Variants in POMGNT1 observed in about 807,000 individuals in gnomAD.
POMGNT1 encodes the protein protein O-linked-mannose beta-1,2-N-acetylglucosaminyltransferase 1.
In POMGNT1, 67 loss-of-function variants were observed where a neutral mutation model predicts 95.6. The ratio of observed to expected loss-of-function variants is 0.70; its 90% CI spans 0.58 to 0.86. The LOEUF (loss-of-function observed/expected upper bound fraction) is 0.86. Ranked by LOEUF, POMGNT1 falls within the 40% of genes least tolerant of loss-of-function variation. The probability of loss-of-function intolerance (pLI) is 0.00; values close to 1 mark genes in which losing one functional copy is unlikely to be tolerated. For synonymous variants in POMGNT1, 298 were observed against 317.9 expected, an observed-to-expected ratio of 0.94 and a Z score of 0.66; for missense variants, 719 against 855.2, an observed-to-expected ratio of 0.84 and a Z score of 1.99.
chr1:46,189,562 G>T lies in POMGNT1; in HGVS notation c.1791C>A (p.Leu597=), dbSNP rs1162362350. ...FTTWTQLAKC[L]HIWDLDVRGN... The stretch of plus-strand genomic sequence containing the variant: ...CACGCACATCCAGGTCCCAGATATG[G>T]AGGCACTAGTGAGGGTGGGATGGAG... Residue 597 remains leucine (L), a synonymous_variant, in exon 21 of 22, where the codon CTC becomes CTA. Transcript: ENST00000371984. The T allele has an allele frequency of 6.2e-7, 1 of 1,611,018 alleles. No individual in the cohort carries two copies. Among genetic ancestry groups the T allele is most frequent in the Non-Finnish European group, 8.5e-7 (1 of 1,178,584 alleles).
In POMGNT1 at chr1:46,194,996, C is replaced by T. The variant is rs767816536; in HGVS notation, c.535-35G>A. 15 of 1,604,638 alleles carry T rather than the reference C, an allele frequency of 9.3e-6. No individual in the cohort carries two copies. In the African/African-American group the frequency reaches 1.9e-4, roughly 20 times the overall value. On this transcript the variant is annotated intron_variant, in intron 6 of 21. Coordinates refer to ENST00000371984, the MANE Select transcript of POMGNT1 (RefSeq NM_017739.4). ...CAGAGAAGGCAGTTAGCCTGACTGG[C>T]ATGGTTCCAGGAGACCTGGCCTCAC... is the stretch of plus-strand genomic sequence containing the variant.
chr1:46,220,035 G>A (rs1410170213), exon 1 of POMGNT1: 1 of 1,614,146 alleles, frequency 6.2e-7, no homozygotes, highest in South Asian at 1.1e-5. Context: ...AGCTGGTGGA[G>A]AGAGGGCCAG....
intron 1 of POMGNT1, among the ~76,000 whole-genome samples, chr1:46,214,077 G>A (rs886629198): frequency 1.3e-5 from 2 of 152,138 alleles, no homozygotes; most frequent in Non-Finnish European, 2.9e-5. Flanking sequence ...CGGGCATGGT[G>A]GCTCAGGCCT....
intron 17 of POMGNT1, 123 bp from the exon 18 acceptor site, chr1:46,190,907 T>C: frequency 1.1e-6 from 1 of 895,248 alleles, no homozygotes; most frequent in Non-Finnish European, 1.8e-6. Flanking sequence ...AGCCCTCTAA[T>C]TTCCCACCGT....
At chr1:46,215,348 G>A (rs891472405) in intron 1 of POMGNT1, among the ~76,000 whole-genome samples, 27 of 152,058 alleles carry the variant, frequency 1.8e-4, no homozygotes, top group African/African-American at 6.5e-4. Flanking sequence ...GAAAAATACT[G>A]GAGGATAATC....
intron 2 of POMGNT1, chr1:46,197,497 C>T: frequency 6.7e-7 from 1 of 1,491,392 alleles, no homozygotes. Flanking sequence ...CCGTCAGAAG[C>T]TTAGAAGTTG....
upstream of POMGNT1, chr1:46,198,567 G>C (rs918333301): frequency 3.0e-5 from 5 of 167,388 alleles, no homozygotes; most frequent in African/African-American, 1.2e-4. Context: ...CGGGGTGTAA[G>C]CAGCCAGCGA....
intron 1 of POMGNT1, among the ~76,000 whole-genome samples, chr1:46,213,508 G>A (rs1212951235): frequency 6.6e-6 from 1 of 151,802 alleles, no homozygotes; most frequent in Non-Finnish European, 1.5e-5. Context: ...TAGAACAGAA[G>A]GTCTCTAGAT....
intron 1 of POMGNT1, among the ~76,000 whole-genome samples, chr1:46,213,094 CAT>C (rs1458517721): frequency 2.0e-5 from 3 of 152,100 alleles, no homozygotes; most frequent in East Asian, 1.9e-4. Flanking sequence ...AAACATTTAT[CAT>C]GTGTGTATAT....
intron 1 of POMGNT1, among the ~76,000 whole-genome samples, chr1:46,212,981 G>A (rs1658950731): frequency 1.3e-5 from 2 of 151,940 alleles, no homozygotes; most frequent in African/African-American, 4.8e-5. Context: ...AGCCAGGATG[G>A]TCTCGATCTC....
At chr1:46,207,738 C>T (rs975407177) in intron 1 of POMGNT1, among the ~76,000 whole-genome samples, 1 of 151,802 alleles carries the variant, frequency 6.6e-6, no homozygotes, top group Admixed American at 6.6e-5. Flanking sequence ...CGGGGTTTCA[C>T]CATGTTAGCC....
At chr1:46,200,126 A>G (rs998970587), upstream of POMGNT1, among the ~76,000 whole-genome samples, 9 of 152,222 alleles carry the variant, frequency 5.9e-5, no homozygotes, top group African/African-American at 9.6e-5. Context: ...AGATTGCACC[A>G]CTGCACTCCA....
upstream of POMGNT1, among the ~76,000 whole-genome samples, chr1:46,202,696 CAAAA>C (rs768113273): frequency 7.4e-3 from 237 of 32,204 alleles, no homozygotes; most frequent in East Asian, 0.032. Context: ...GACTCTGTCT[CAAAA>C]AAAAAAAAAA....
rs372521038 is a variant in POMGNT1 at position 46,192,301 on chromosome 1, C to G, written c.1413+7G>C. 6.2e-7 allele frequency: 1 copy of G among 1,614,192 alleles called. No individual in the cohort carries two copies. The highest frequency in any genetic ancestry group is 2.2e-5 in the East Asian group (1 of 44,880). Reference sequence around the variant, plus strand: ...CTCCAGCCCCCTCACCCTACCCTGACAGTTACCTTTTCCGGTGTAGGCCAC... The same window carrying G: ...CTCCAGCCCCCTCACCCTACCCTGAGAGTTACCTTTTCCGGTGTAGGCCAC... On this transcript the variant is annotated splice_region_variant and intron_variant, in intron 16 of 21. Coordinates refer to ENST00000371984, the MANE Select transcript of POMGNT1 (RefSeq NM_017739.4).
chr1:46,202,186 A>G (rs1034413973), upstream of POMGNT1, among the ~76,000 whole-genome samples: 2 of 151,564 alleles, frequency 1.3e-5, no homozygotes, highest in African/African-American at 4.8e-5. Flanking sequence ...AGGGGTAACT[A>G]TCTTCTCATT....
At chr1:46,217,276 G>A (rs148914129) in intron 1 of POMGNT1, among the ~76,000 whole-genome samples, 35 of 152,248 alleles carry the variant, frequency 2.3e-4, no homozygotes, top group Non-Finnish European at 3.5e-4. Flanking sequence ...TAGATAGAAC[G>A]TGTCATGCAT....
upstream of POMGNT1, among the ~76,000 whole-genome samples, chr1:46,201,191 G>C (rs1199906354): frequency 2.0e-5 from 3 of 151,238 alleles, no homozygotes; most frequent in Non-Finnish European, 4.4e-5. Flanking sequence ...GGATCAAAAA[G>C]TACCAAGGAA....
intron 12 of POMGNT1, 38 bp downstream of exon 12, chr1:46,193,267 C>G: frequency 6.2e-7 from 1 of 1,613,936 alleles, no homozygotes; most frequent in Non-Finnish European, 8.5e-7. Context: ...GAAGGCAGAG[C>G]CAGGTGTCTG....
In POMGNT1 at chr1:46,196,902, T is replaced by A; in HGVS notation, c.236-53A>T. Reference sequence around the variant, plus strand: ...AGTCTCCTCAGCAGAGTCTCACCGCTTAGGGTCTGCCTGCCACTCCAGCTG... The same window carrying A: ...AGTCTCCTCAGCAGAGTCTCACCGCATAGGGTCTGCCTGCCACTCCAGCTG... On this transcript the variant is annotated intron_variant, in intron 3 of 21. Coordinates refer to ENST00000371984, the MANE Select transcript of POMGNT1 (RefSeq NM_017739.4). This position sits in a 1 kb window ranked among gnomAD's most constrained non-coding sequence, Gnocchi z 4.4. 1.2e-6 allele frequency: 2 copies of A among 1,614,164 alleles called. No individual in the cohort carries two copies. Among genetic ancestry groups the A allele is most frequent in the Non-Finnish European group, 1.7e-6 (2 of 1,180,024 alleles).
Sources: allele counts gnomAD v4.1 joint callset (sites outside exome capture counted in the v4.1 genomes callset), GRCh38; gene constraint gnomAD v4.1.1; non-coding constraint Gnocchi (gnomAD v3.1); transcripts MANE v1.5; gene names NCBI Gene and HGNC (gene_info 2026-07-23, HGNC 2026-07-21).